Variants in NSD2 observed in about 807,000 individuals in gnomAD.
The protein encoded by NSD2 is histone-lysine N-methyltransferase NSD2.
Under a neutral mutation model 139.0 loss-of-function variants are expected in NSD2, and 12 were observed. The ratio of observed to expected loss-of-function variants is 0.09; its 90% CI spans 0.06 to 0.14. The LOEUF (loss-of-function observed/expected upper bound fraction) is 0.14. NSD2 is among the 10% of genes least tolerant of loss of function. The pLI is 1.00. For missense variants in NSD2, 1,155 were observed against 1,745.0 expected (o/e 0.66, Z 6.02); for synonymous variants, 669 against 648.7 (o/e 1.03, Z -0.48).
In NSD2 at chr4:1,953,458, C is replaced by A. The variant is rs1329886619; in HGVS notation, c.2272C>A (p.Arg758Ser). The A allele has an allele frequency of 6.2e-7, 1 of 1,614,094 alleles. No individual in the cohort carries two copies. The highest frequency in any genetic ancestry group is 8.5e-7 in the Non-Finnish European group (1 of 1,180,028). The change falls in exon 12 of 22, where the codon CGC (arginine) becomes AGC (serine). Residue 758 changes from arginine to serine, a missense_variant. Physicochemically the swap from Arg to Ser is moderately radical, Grantham distance 110. Around this residue, in one of 8 missense-constraint regions of NSD2, gnomAD observed 120 missense variants for 239.3 expected, o/e 0.50. Transcript: ENST00000508803. ...PLTVFESRGF[R>S]CPLHSCVSCH... ...GACTGTATTTGAGAGCCGAGGTTTC[C>A]GCTGCCCCCTCCACAGCTGTGTGAG...
intron 9 of NSD2, chr4:1,945,897 T>C (rs1723580598): frequency 9.4e-7 from 1 of 1,059,788 alleles, no homozygotes; most frequent in African/African-American, 1.6e-5. Context: ...TTCTTTTTCA[T>C]TTGACTTACA....
At position 1,952,240 on chromosome 4, in the gene NSD2, C is replaced by T. The variant is rs1724342406; in HGVS notation, c.2137+9C>T. The T allele has an allele frequency of 9.9e-6, 16 of 1,613,040 alleles. No individual in the cohort carries two copies. Among genetic ancestry groups the T allele is most frequent in the Non-Finnish European group, 1.4e-5 (16 of 1,179,848 alleles). On this transcript the variant is annotated intron_variant, in intron 11 of 21. Transcript: ENST00000508803. Reference sequence around the variant, plus strand: ...CAGCGAGTGTGCCTCAGGCAAGTTCCCACGGGCGGGCAGCTCTGCAGCCTG... The same window carrying T: ...CAGCGAGTGTGCCTCAGGCAAGTTCTCACGGGCGGGCAGCTCTGCAGCCTG...
At chr4:1,900,055 G>A (rs1716947682) in intron 1 of NSD2, among the ~76,000 whole-genome samples, 1 of 152,178 alleles carries the variant, frequency 6.6e-6, no homozygotes, top group Non-Finnish European at 1.5e-5. Flanking sequence ...AGCTAATCCT[G>A]TGCTTGGAGT....
chr4:1,893,397 C>T (rs560900886), intron 1 of NSD2, among the ~76,000 whole-genome samples: 28 of 152,280 alleles, frequency 1.8e-4, no homozygotes, highest in South Asian at 4.1e-4. Context: ...TTGAACCCAG[C>T]GGCAGAGGCT....
chr4:1,947,406 GT>G, intron 9 of NSD2: 1 of 1,060,356 alleles, frequency 9.4e-7, no homozygotes, highest in Non-Finnish European at 1.1e-6. Context: ...GTGGTGTGCA[GT>G]GGTGCTCTGG....
At chr4:1,924,381 G>T (rs576003955) in intron 5 of NSD2, among the ~76,000 whole-genome samples, 1 of 152,128 alleles carries the variant, frequency 6.6e-6, no homozygotes, top group South Asian at 2.1e-4. Context: ...CGCCCCGTCA[G>T]CCACTCTGGT....
At chr4:1,914,105 C>T (rs1342258663) in intron 3 of NSD2, among the ~76,000 whole-genome samples, 1 of 152,164 alleles carries the variant, frequency 6.6e-6, no homozygotes, top group Non-Finnish European at 1.5e-5. Flanking sequence ...TTGCTGCAAC[C>T]TCTGCCACTT....
At chr4:1,961,851 G>T (rs1725406064) in intron 18 of NSD2, among the ~76,000 whole-genome samples, 1 of 152,230 alleles carries the variant, frequency 6.6e-6, no homozygotes, top group Non-Finnish European at 1.5e-5. Flanking sequence ...CTTCAGCTGG[G>T]GAAGTGTGGC....
rs536554371 is a variant in NSD2, at chr4:1,973,791, C to T, written c.3373-1072C>T. Among the ~76,000 whole-genome samples, 173 of 152,328 alleles carry T rather than the reference C, an allele frequency of 1.1e-3. No individual in the cohort carries two copies. Among genetic ancestry groups the T allele is most frequent in the African/African-American group, 1.8e-3 (75 of 41,580 alleles). ...CCCAGTGTTTATCCCTGTTCACACA[C>T]GTGGTTTTGTTTGAACACGTGACTG... On this transcript the variant is annotated intron_variant, in intron 18 of 21. Transcript: ENST00000508803. This position sits in a 1 kb window ranked among gnomAD's most constrained non-coding sequence, Gnocchi z 5.5.
At position 1,901,187 on chromosome 4, in the gene NSD2, T is replaced by C. The variant is rs1325306850; in HGVS notation, c.533T>C (p.Leu178Ser). The C allele has an allele frequency of 1.9e-6, 3 of 1,612,198 alleles. No individual in the cohort carries two copies. In the Middle Eastern group the frequency reaches 5.0e-4, roughly 266 times the overall value. ...NRKRSIKYDSLLEQGLVEAAL... is the reference protein window; with the variant it reads ...NRKRSIKYDSSLEQGLVEAAL... Reference sequence around the variant, plus strand: ...AAGAGGAGCATAAAATATGACTCCTTGCTGGAGCAGGGCCTTGTCGAAGCA... The same window carrying C: ...AAGAGGAGCATAAAATATGACTCCTCGCTGGAGCAGGGCCTTGTCGAAGCA... The change falls in exon 2 of 22, where the codon TTG becomes TCG. Residue 178 changes from leucine (L) to serine (S), a missense_variant. Coordinates refer to ENST00000508803, the MANE Select transcript of NSD2 (RefSeq NM_001042424.3).
At chr4:1,959,434 C>A in intron 16 of NSD2, 37 bp from the exon 17 acceptor site, 1 of 1,599,508 alleles carries the variant, frequency 6.3e-7, no homozygotes, top group South Asian at 1.1e-5. Flanking sequence ...GGAAGGCTCT[C>A]ATGTGTGGAC....
At chr4:1,901,409 G>T (rs554150567) in intron 2 of NSD2, among the ~76,000 whole-genome samples, 158 bp downstream of exon 2, 1 of 152,222 alleles carries the variant, frequency 6.6e-6, no homozygotes. Flanking sequence ...GGGTTGGAGG[G>T]TGGGCTCCAG....
intron 1 of NSD2, among the ~76,000 whole-genome samples, chr4:1,888,925 TCTCA>T (rs919351543): frequency 6.7e-6 from 1 of 149,010 alleles, no homozygotes; most frequent in Non-Finnish European, 1.5e-5. Flanking sequence ...TTTGAGACAG[TCTCA>T]CTCTGTTGGC....
chr4:1,968,388 G>A (rs1414496663), intron 18 of NSD2, among the ~76,000 whole-genome samples: 3 of 152,194 alleles, frequency 2.0e-5, no homozygotes, highest in African/African-American at 7.2e-5. Flanking sequence ...GGGAGCACCG[G>A]GAGCGTGGTG....
At position 1,981,290 on chromosome 4, in the gene NSD2, T is replaced by C. The variant is rs1328205204; in HGVS notation, c.*2381T>C. On this transcript the variant is annotated 3_prime_UTR_variant, in exon 22 of 22. Transcript: ENST00000508803. The stretch of plus-strand genomic sequence containing the variant: ...TTGATAACTCAGTGGAGCCAGGCTT[T>C]GGGGTAGCGGCCCTGAGCTTGCAGG... The C allele has an allele frequency of 4.3e-6, 1 of 233,216 alleles. No homozygotes were observed. Among genetic ancestry groups the C allele is most frequent in the Non-Finnish European group, 8.5e-6 (1 of 118,082 alleles). The allele number at this position is 233,216 out of a possible 1,614,324, so 14.4% of individuals were successfully genotyped here.
In NSD2 at chr4:1,979,575, A is replaced by C. The variant is rs1019613789; in HGVS notation, c.*666A>C. 2 of 232,802 alleles carry C rather than the reference A, an allele frequency of 8.6e-6. No individual in the cohort carries two copies. The highest frequency in any genetic ancestry group is 4.4e-5 in the African/African-American group (2 of 45,290). The allele number at this position is 232,802 out of a possible 1,614,324, so 14.4% of individuals were successfully genotyped here. A position where few individuals can be genotyped will look rare whatever the true frequency, so the allele number is the denominator to read the frequency against. On this transcript the variant is annotated 3_prime_UTR_variant, in exon 22 of 22. Transcript: ENST00000508803. Reference sequence around the variant, plus strand: ...TTTTTTCTCCTCATGGATTTGAATGAAATGCCAATAACACGTCCACTTTCA... The same window carrying C: ...TTTTTTCTCCTCATGGATTTGAATGCAATGCCAATAACACGTCCACTTTCA...
At chr4:1,920,535 T>A (rs1373485238) in intron 5 of NSD2, among the ~76,000 whole-genome samples, 1 of 152,328 alleles carries the variant, frequency 6.6e-6, no homozygotes, top group East Asian at 1.9e-4. Context: ...TTTGATAAAA[T>A]TCATTGCTTT....
intron 6 of NSD2, among the ~76,000 whole-genome samples, chr4:1,934,646 G>A (rs1399794069): frequency 6.7e-6 from 1 of 148,530 alleles, no homozygotes; most frequent in East Asian, 2.0e-4. Flanking sequence ...ACAGGAGTTC[G>A]AGACCAGCCT....
intron 1 of NSD2, among the ~76,000 whole-genome samples, chr4:1,895,560 A>C (rs1357241327): frequency 6.6e-6 from 1 of 151,536 alleles, no homozygotes; most frequent in African/African-American, 2.4e-5. Context: ...TTTTTTTCCA[A>C]GTCTGCAAAT....
Sources: gnomAD v4.1 joint callset for allele counts (sites outside exome capture counted in the v4.1 genomes callset) on GRCh38, gnomAD v4.1.1 for gene constraint, gnomAD v4.1.1 regional missense constraint, Gnocchi (gnomAD v3.1) non-coding constraint, MANE v1.5 for transcripts, NCBI Gene and HGNC (gene_info 2026-07-23, HGNC 2026-07-21) for gene names.